ZC3H13: variants seen among roughly 807,000 people sequenced by gnomAD.
ZC3H13 encodes the protein zinc finger CCCH-type containing 13.
Under a neutral mutation model 204.1 loss-of-function variants are expected in ZC3H13, and 64 were observed. That is an observed-to-expected ratio of 0.31 (90% CI 0.26 to 0.39). The LOEUF is 0.39. ZC3H13 is among the 10% of genes least tolerant of loss of function. ZC3H13 has a pLI of 1.00. For synonymous variants in ZC3H13, 667 were observed against 693.7 expected (o/e 0.96, Z 0.60); for missense variants, 1,833 against 2,082.7 (o/e 0.88, Z 2.33).
At chr13:45,957,870 C>A (rs1480561524) in intron 18 of ZC3H13, among the ~76,000 whole-genome samples, 3 of 152,174 alleles carry the variant, frequency 2.0e-5, no homozygotes, top group African/African-American at 7.2e-5. Context: ...GCTAATCATG[C>A]AGTATGCTGA....
chr13:46,017,054 T>C (rs1416272071), intron 5 of ZC3H13, among the ~76,000 whole-genome samples: 1 of 152,078 alleles, frequency 6.6e-6, no homozygotes, highest in Non-Finnish European at 1.5e-5. Flanking sequence ...CAGATGGAGA[T>C]GCCCAGTTGG....
chr13:46,004,715 C>G (rs2041008769), intron 7 of ZC3H13, among the ~76,000 whole-genome samples: 1 of 152,026 alleles, frequency 6.6e-6, no homozygotes, highest in Non-Finnish European at 1.5e-5. Flanking sequence ...AATGAAATAT[C>G]AACCACTGTC....
At chr13:45,997,806 C>A (rs529501632) in intron 8 of ZC3H13, among the ~76,000 whole-genome samples, 1 of 152,078 alleles carries the variant, frequency 6.6e-6, no homozygotes, top group East Asian at 1.9e-4. Context: ...ATCCAGTAAG[C>A]CTAGTGGGTC....
chr13:46,020,022 T>C (rs2042132048), intron 5 of ZC3H13, among the ~76,000 whole-genome samples: 1 of 152,214 alleles, frequency 6.6e-6, no homozygotes, highest in Non-Finnish European at 1.5e-5. Context: ...AATCTGATTT[T>C]GATTTCTTCT....
intron 12 of ZC3H13, among the ~76,000 whole-genome samples, chr13:45,973,794 A>ATATG (rs930810017): frequency 6.6e-6 from 1 of 152,162 alleles, no homozygotes; most frequent in Non-Finnish European, 1.5e-5. Context: ...GAGGGTGGGA[A>ATATG]TATGTACCTG....
At chr13:46,021,096 T>C (rs2042193691) in intron 4 of ZC3H13, among the ~76,000 whole-genome samples, 1 of 152,010 alleles carries the variant, frequency 6.6e-6, no homozygotes, top group Non-Finnish European at 1.5e-5. Context: ...TAATTGTCAT[T>C]TTCCTAGACA....
In ZC3H13 at chr13:46,052,436, C is replaced by G. The variant is rs1403738141; in HGVS notation, c.-42G>C. ...CCAAGCTCCCTTCGCAAGTGCAGTC[C>G]GGAGGCACCACCGCCGCCGCCGCTC... On this transcript the variant is annotated 5_prime_UTR_variant, in exon 1 of 19. Transcript: ENST00000679008. The G allele has an allele frequency of 2.5e-6, 1 of 397,894 alleles. No individual in the cohort carries two copies. Among genetic ancestry groups the G allele is most frequent in the Non-Finnish European group, 4.4e-6 (1 of 226,092 alleles). 24.6% of individuals were successfully genotyped at this position (397,894 alleles called of 1,614,324 possible).
intron 16 of ZC3H13, among the ~76,000 whole-genome samples, chr13:45,964,753 T>C (rs1283287848): frequency 6.6e-6 from 1 of 152,166 alleles, no homozygotes; most frequent in East Asian, 1.9e-4. Flanking sequence ...AAGAGGAATA[T>C]TAAGGGGTGT....
chr13:45,969,790 A>C lies in ZC3H13; in HGVS notation c.2754T>G (p.Asp918Glu). Residue 918 changes from aspartate to glutamate, a missense_variant, in exon 14 of 19, where the codon GAT (aspartate) becomes GAG (glutamate). Asp to Glu is a conservative substitution (Grantham distance 45). Coordinates refer to ENST00000679008, the MANE Select transcript of ZC3H13 (RefSeq NM_001330564.2). Reference sequence around the variant, plus strand: ...GGATTTCTGTCTGTTCTCTCTGTTTATCTACAGAAGAAACTTTCTCCTTGA... The same window carrying C: ...GGATTTCTGTCTGTTCTCTCTGTTTCTCTACAGAAGAAACTTTCTCCTTGA... ...QELKEKVSSV[D>E]KQREQTEILE... The C allele has an allele frequency of 6.2e-7, 1 of 1,613,872 alleles. No individual in the cohort carries two copies. Among genetic ancestry groups the C allele is most frequent in the South Asian group, 1.1e-5 (1 of 91,088 alleles).
Position 45,956,762 on chromosome 13 carries a change from G to A in ZC3H13, c.*365C>T, listed in dbSNP as rs1951295955. 1 of 159,904 alleles carries A rather than the reference G, an allele frequency of 6.3e-6. No homozygotes were observed. The highest frequency in any genetic ancestry group is 2.4e-5 in the African/African-American group (1 of 41,696). The allele number at this position is 159,904 out of a possible 1,614,324, so 9.9% of individuals were successfully genotyped here. A position where few individuals can be genotyped will look rare whatever the true frequency, so the allele number is the denominator to read the frequency against. On this transcript the variant is annotated 3_prime_UTR_variant, in exon 19 of 19. Transcript: ENST00000679008. Reference sequence around the variant, plus strand: ...ACATTGTTTTTGAATAAAATTGTTGGTTCTGTATGGATGATCCAGACATAA... The same window carrying A: ...ACATTGTTTTTGAATAAAATTGTTGATTCTGTATGGATGATCCAGACATAA...
In ZC3H13 at chr13:45,982,507, A is replaced by T. The variant is rs768492785; in HGVS notation, c.1721-2503T>A. Among the ~76,000 whole-genome samples, 8 of 151,614 alleles carry T rather than the reference A, an allele frequency of 5.3e-5. No homozygotes were observed. The South Asian group carries it at 1.0e-3, about 20-fold the overall frequency. On this transcript the variant is annotated intron_variant, in intron 10 of 18. Coordinates refer to ENST00000679008, the MANE Select transcript of ZC3H13 (RefSeq NM_001330564.2). The stretch of plus-strand genomic sequence containing the variant: ...CTATATGTTGTTTAGAGTTACATTT[A>T]AAAAAAAATTAAGCCTGAAAGGATG...
chr13:45,971,095 A>C (rs1354356380), intron 12 of ZC3H13, among the ~76,000 whole-genome samples: 2 of 152,208 alleles, frequency 1.3e-5, no homozygotes, highest in African/African-American at 4.8e-5. Context: ...CCATAAAATT[A>C]GTTCCTTTCC....
chr13:45,988,857 C>T lies in ZC3H13; in HGVS notation c.1185G>A (p.Met395Ile). ...CATGATCATGTCTCCCTTTCTCTCG[C>T]ATTGGAGAGCGATGTCTTGGAGGAC... ...KQSPPRHRSPMREKGRHDHER... is the reference protein window; with the variant it reads ...KQSPPRHRSPIREKGRHDHER... The change falls in exon 9 of 19, where the codon ATG (methionine) becomes ATA (isoleucine). Residue 395 changes from methionine (M) to isoleucine (I), a missense_variant. Around this residue, in one of 5 missense-constraint regions of ZC3H13, gnomAD observed 1,574 missense variants for 1,757.2 expected, o/e 0.90. Transcript: ENST00000679008. 6.2e-7 allele frequency: 1 copy of T among 1,614,158 alleles called. No homozygotes were observed.
intron 1 of ZC3H13, among the ~76,000 whole-genome samples, chr13:46,046,692 A>C (rs9567607): frequency 0.45 from 68,496 of 151,158 alleles, 15,826 homozygotes; most frequent in African/African-American, 0.54. Flanking sequence ...AACTCTCTCT[A>C]TATATATATA....
rs184698214 is a variant in ZC3H13 at position 46,050,428 on chromosome 13, A to G, written c.-10+1976T>C. ...TTTCCAGGTCTCATCTACTGGAAGC[A>G]TAAGTGAAAGCATAACACTTTAATC... On this transcript the variant is annotated intron_variant, in intron 1 of 18. Transcript: ENST00000679008. 9.2e-5 allele frequency among the ~76,000 whole-genome samples: 14 copies of G among 152,308 alleles called. No homozygotes were observed. The East Asian group carries it at 2.5e-3, about 27-fold the overall frequency.
At chr13:45,987,947 T>G (rs1265805640) in intron 9 of ZC3H13, among the ~76,000 whole-genome samples, 2 of 152,108 alleles carry the variant, frequency 1.3e-5, no homozygotes, top group African/African-American at 4.8e-5. Flanking sequence ...GAGTAGCAAA[T>G]CCAAAGTTAA....
At chr13:45,982,764 G>A (rs1216828121) in intron 10 of ZC3H13, among the ~76,000 whole-genome samples, 1 of 151,994 alleles carries the variant, frequency 6.6e-6, no homozygotes, top group Non-Finnish European at 1.5e-5. Context: ...AAAAAGTCTG[G>A]ATTTTATCAG....
Position 45,957,020 on chromosome 13 carries a change from A to C in ZC3H13, c.*107T>G. 7.6e-6 allele frequency: 8 copies of C among 1,058,840 alleles called. No individual in the cohort carries two copies. Among genetic ancestry groups the C allele is most frequent in the Non-Finnish European group, 9.9e-6 (8 of 809,022 alleles). The allele number at this position is 1,058,840 out of a possible 1,614,324, so 65.6% of individuals were successfully genotyped here. A position where few individuals can be genotyped will look rare whatever the true frequency, so the allele number is the denominator to read the frequency against. Reference sequence around the variant, plus strand: ...TTCACTCTTTTAGCATGGCTGATAAATCTTTTCTGCCTTTGTCACTAATGC... The same window carrying C: ...TTCACTCTTTTAGCATGGCTGATAACTCTTTTCTGCCTTTGTCACTAATGC... On this transcript the variant is annotated 3_prime_UTR_variant, in exon 19 of 19. Coordinates refer to ENST00000679008, the MANE Select transcript of ZC3H13 (RefSeq NM_001330564.2).
At position 46,011,338 on chromosome 13, in the gene ZC3H13, A is replaced by G. The variant is rs543392997; in HGVS notation, c.588+77T>C. ...AGTATACTAATATAATTTAAGATGT[A>G]GCAAGAAGCTGAGTTATCTGATCAA... On this transcript the variant is annotated intron_variant, in intron 6 of 18. Coordinates refer to ENST00000679008, the MANE Select transcript of ZC3H13 (RefSeq NM_001330564.2). 32 of 1,345,828 alleles carry G rather than the reference A, an allele frequency of 2.4e-5. No homozygotes were observed. The African/African-American group carries it at 4.7e-4, about 20-fold the overall frequency. The allele number at this position is 1,345,828 out of a possible 1,614,324, so 83.4% of individuals were successfully genotyped here. A position where few individuals can be genotyped will look rare whatever the true frequency, so the allele number is the denominator to read the frequency against.
Sources: gnomAD v4.1 joint callset for allele counts (sites outside exome capture counted in the v4.1 genomes callset) on GRCh38, gnomAD v4.1.1 for gene constraint, gnomAD v4.1.1 regional missense constraint, MANE v1.5 for transcripts, NCBI Gene and HGNC (gene_info 2026-07-23, HGNC 2026-07-21) for gene names.